The following ERBB4 variants were observed in gnomAD, a reference collection of about 807,000 sequenced individuals.
The protein encoded by ERBB4 is erb-b2 receptor tyrosine kinase 4.
In ERBB4, 42 loss-of-function variants were observed where a neutral mutation model predicts 158.0. The ratio of observed to expected loss-of-function variants is 0.27; its 90% CI spans 0.21 to 0.34. The LOEUF is 0.34. Ranked by LOEUF, ERBB4 falls within the 10% of genes least tolerant of loss-of-function variation. The probability of loss-of-function intolerance (pLI) is 1.00; values close to 1 mark genes in which losing one functional copy is unlikely to be tolerated. For missense variants in ERBB4, 1,333 were observed against 1,624.1 expected (o/e 0.82, Z 3.08); for synonymous variants, 583 against 558.7 (o/e 1.04, Z -0.61).
At chr2:211,976,734 A>C (rs767643469) in intron 2 of ERBB4, among the ~76,000 whole-genome samples, 23 of 152,160 alleles carry the variant, frequency 1.5e-4, no homozygotes, top group Non-Finnish European at 3.1e-4. Flanking sequence ...TGTACAAAAA[A>C]TCATATCCAA....
At chr2:212,271,290 C>G (rs983152506) in intron 1 of ERBB4, among the ~76,000 whole-genome samples, 8 of 151,674 alleles carry the variant, frequency 5.3e-5, no homozygotes, top group Non-Finnish European at 1.2e-4. Flanking sequence ...TAATAAGGCT[C>G]TTTTTTATTA....
At chr2:211,628,987 C>T (rs1355939649) in intron 17 of ERBB4, among the ~76,000 whole-genome samples, 1 of 152,120 alleles carries the variant, frequency 6.6e-6, no homozygotes, top group Non-Finnish European at 1.5e-5. Flanking sequence ...AATGTCTGTT[C>T]ATATACTTTG....
intron 3 of ERBB4, among the ~76,000 whole-genome samples, chr2:211,860,331 T>C (rs368020212): frequency 6.6e-6 from 1 of 152,322 alleles, no homozygotes; most frequent in African/African-American, 2.4e-5. Flanking sequence ...TACAGAGTCT[T>C]CAAAAGACTT....
chr2:211,567,256 T>C (rs2067575836), intron 19 of ERBB4, among the ~76,000 whole-genome samples: 2 of 152,172 alleles, frequency 1.3e-5, no homozygotes, highest in South Asian at 4.1e-4. Flanking sequence ...AAATATCATA[T>C]TTTTTACTTC....
At chr2:211,552,894 G>T (rs1045507869) in intron 20 of ERBB4, among the ~76,000 whole-genome samples, 1 of 152,124 alleles carries the variant, frequency 6.6e-6, no homozygotes, top group East Asian at 1.9e-4. Flanking sequence ...GTAATAGATT[G>T]TCTTAAGAAT....
chr2:212,154,164 A>G (rs950080852), intron 1 of ERBB4, among the ~76,000 whole-genome samples: 2 of 152,176 alleles, frequency 1.3e-5, no homozygotes, highest in Non-Finnish European at 2.9e-5. Flanking sequence ...TCTTTCAGCA[A>G]CTGCAATTCT....
intron 19 of ERBB4, among the ~76,000 whole-genome samples, chr2:211,588,852 A>G (rs2068371585): frequency 6.6e-6 from 1 of 152,186 alleles, no homozygotes; most frequent in South Asian, 2.1e-4. Context: ...TAAGATTTAG[A>G]ATTTTCTGTC....
chr2:211,666,295 C>G (rs1574950517), intron 14 of ERBB4, among the ~76,000 whole-genome samples: 1 of 151,934 alleles, frequency 6.6e-6, no homozygotes, highest in Admixed American at 6.6e-5. Context: ...TACATACAAA[C>G]AAAGGCTTCA....
At chr2:211,936,742 T>C (rs973712194) in intron 3 of ERBB4, among the ~76,000 whole-genome samples, 4 of 152,146 alleles carry the variant, frequency 2.6e-5, no homozygotes, top group Non-Finnish European at 5.9e-5. Context: ...CTTTGAACTA[T>C]ATTTCCATCT....
chr2:212,448,610 C>T (rs1367223602), intron 1 of ERBB4, among the ~76,000 whole-genome samples: 1 of 152,052 alleles, frequency 6.6e-6, no homozygotes, highest in Non-Finnish European at 1.5e-5. Flanking sequence ...AAGAAAGAAG[C>T]AGCAGCTTCT....
At chr2:211,604,931 T>A (rs941572837) in intron 19 of ERBB4, among the ~76,000 whole-genome samples, 4 of 152,144 alleles carry the variant, frequency 2.6e-5, no homozygotes, top group African/African-American at 9.7e-5. Flanking sequence ...AAAAAAGACA[T>A]GCAGAGAAAA....
Position 211,580,889 on chromosome 2 carries a change from A to ATT in ERBB4, c.2302-18802_2302-18801insAA, listed in dbSNP as rs1559317865. ...TACATATATATATATATATATATATATATATATATATATATATATATATAT... is the reference window on the plus strand; with the variant it reads ...TACATATATATATATATATATATATATTTATATATATATATATATATATATAT... On this transcript the variant is annotated intron_variant, in intron 19 of 27. Transcript: ENST00000342788. 6.0e-4 allele frequency among the ~76,000 whole-genome samples: 44 copies of ATT among 73,120 alleles called. 17 individuals carry two copies. The highest frequency in any genetic ancestry group is 3.6e-3 in the South Asian group (9 of 2,510). The allele number at this position is 73,120 out of a possible 152,430, so 48.0% of individuals were successfully genotyped here. A position where few individuals can be genotyped will look rare whatever the true frequency, so the allele number is the denominator to read the frequency against.
At chr2:212,141,779 A>G (rs1378747108) in intron 1 of ERBB4, among the ~76,000 whole-genome samples, 3 of 152,074 alleles carry the variant, frequency 2.0e-5, no homozygotes, top group African/African-American at 7.2e-5. Flanking sequence ...GAAAGTCCCT[A>G]TTTGAATATT....
intron 1 of ERBB4, among the ~76,000 whole-genome samples, chr2:212,335,433 G>C (rs2088387269): frequency 6.6e-6 from 1 of 151,870 alleles, no homozygotes. Context: ...AAGAAAATTA[G>C]GGTAATTTTT....
chr2:212,078,549 C>G (rs2078339864), intron 2 of ERBB4, among the ~76,000 whole-genome samples: 1 of 151,824 alleles, frequency 6.6e-6, no homozygotes, highest in Non-Finnish European at 1.5e-5. Context: ...GGTCAGCAAG[C>G]ATGTGAATAC....
chr2:212,392,267 T>A (rs2090899631), intron 1 of ERBB4, among the ~76,000 whole-genome samples: 1 of 151,930 alleles, frequency 6.6e-6, no homozygotes, highest in Non-Finnish European at 1.5e-5. Context: ...ATGCCTCAAT[T>A]ACATGGTCAG....
chr2:211,527,555 G>C (rs914670456), intron 20 of ERBB4, among the ~76,000 whole-genome samples: 6 of 151,916 alleles, frequency 3.9e-5, no homozygotes, highest in African/African-American at 1.2e-4. Context: ...ATACAAAATA[G>C]TATAACACTG....
intron 20 of ERBB4, among the ~76,000 whole-genome samples, chr2:211,532,093 A>C (rs1193814899): frequency 6.6e-6 from 1 of 152,034 alleles, no homozygotes; most frequent in African/African-American, 2.4e-5. Flanking sequence ...AAATTAAAAC[A>C]ATTGAACTCA....
At chr2:211,471,326 C>A (rs980298394) in intron 20 of ERBB4, among the ~76,000 whole-genome samples, 1 of 152,108 alleles carries the variant, frequency 6.6e-6, no homozygotes, top group African/African-American at 2.4e-5. Flanking sequence ...TTCTAACACA[C>A]AAAATCTGAG....
Sources: allele counts gnomAD v4.1 joint callset (sites outside exome capture counted in the v4.1 genomes callset), GRCh38; gene constraint gnomAD v4.1.1; transcripts MANE v1.5; gene names NCBI Gene and HGNC (gene_info 2026-07-23, HGNC 2026-07-21).